The following KSR2 variants were observed in gnomAD, a reference collection of about 807,000 sequenced individuals.
KSR2 encodes kinase suppressor of ras 2.
KSR2 carries 25 observed loss-of-function variants against 107.8 expected under a neutral mutation model. That is an observed-to-expected ratio of 0.23 (90% CI 0.17 to 0.32). KSR2 has a LOEUF of 0.32. KSR2 is among the 10% of genes least tolerant of loss of function. KSR2 has a pLI of 1.00. For synonymous variants in KSR2, 480 were observed against 507.0 expected, an observed-to-expected ratio of 0.95 and a Z score of 0.71; for missense variants, 887 against 1,268.9, an observed-to-expected ratio of 0.70 and a Z score of 4.57.
intron 9 of KSR2, among the ~76,000 whole-genome samples, chr12:117,551,384 G>C (rs535027053): frequency 6.6e-6 from 1 of 151,960 alleles, no homozygotes; most frequent in South Asian, 2.1e-4. Flanking sequence ...TTCAGAATTT[G>C]ACTAAAATCC....
At chr12:117,648,550 T>C (rs992362331) in intron 5 of KSR2, among the ~76,000 whole-genome samples, 1 of 152,250 alleles carries the variant, frequency 6.6e-6, no homozygotes, top group Non-Finnish European at 1.5e-5. Flanking sequence ...AGATAAGATA[T>C]TGCCTTTACA....
At chr12:117,860,455 G>A (rs755734943) in intron 1 of KSR2, 24 bp from the exon 2 acceptor site, 4 of 1,585,076 alleles carry the variant, frequency 2.5e-6, no homozygotes. Flanking sequence ...GACGAGGACA[G>A]AGGACACATC....
intron 9 of KSR2, among the ~76,000 whole-genome samples, chr12:117,540,700 G>C (rs1391048117): frequency 6.6e-6 from 1 of 152,204 alleles, no homozygotes; most frequent in Admixed American, 6.5e-5. Context: ...GATGGAGGGA[G>C]AGATTGGAGT....
At chr12:117,523,418 A>T (rs1414350412) in intron 14 of KSR2, among the ~76,000 whole-genome samples, 1 of 152,184 alleles carries the variant, frequency 6.6e-6, no homozygotes, top group Non-Finnish European at 1.5e-5. Context: ...TCCTTATGTT[A>T]CAGGGGAGTC....
chr12:117,886,940 T>C (rs907393974), intron 1 of KSR2, among the ~76,000 whole-genome samples: 3 of 152,228 alleles, frequency 2.0e-5, no homozygotes, highest in Admixed American at 2.0e-4. Flanking sequence ...TTATATTTTT[T>C]TGAGACAGAG....
intron 1 of KSR2, among the ~76,000 whole-genome samples, chr12:117,952,346 A>C (rs1041272800): frequency 6.6e-6 from 1 of 152,174 alleles, no homozygotes; most frequent in East Asian, 1.9e-4. Flanking sequence ...AGCTGAAAAA[A>C]TTTAATTTAA....
At chr12:117,603,423 T>A (rs1336796121) in intron 5 of KSR2, among the ~76,000 whole-genome samples, 1 of 152,218 alleles carries the variant, frequency 6.6e-6, no homozygotes, top group African/African-American at 2.4e-5. Flanking sequence ...GTTTTTGGCT[T>A]TGATTTTTGT....
chr12:117,968,622 AGAG>A lies in KSR2; in HGVS notation c.-370_-368del. ...AAAAAGAAGAGGAGAAGGAGGAGAG[AGAG>A]GAGGAGGGAGAGGAGGAGGAGGGAG... On this transcript the variant is annotated 5_prime_UTR_variant, in exon 1 of 20. Transcript: ENST00000339824. The A allele has an allele frequency of 3.0e-6, 1 of 332,622 alleles. No homozygotes were observed. The allele number at this position is 332,622 out of a possible 1,614,324, so 20.6% of individuals were successfully genotyped here.
At chr12:117,667,372 TA>T in intron 5 of KSR2, 101 bp downstream of exon 5, 1 of 1,122,936 alleles carries the variant, frequency 8.9e-7, no homozygotes, top group Non-Finnish European at 1.3e-6. Flanking sequence ...GCCCTTGAGA[TA>T]AAGAAGAGAG....
chr12:117,630,950 A>G (rs1387097063), intron 5 of KSR2, among the ~76,000 whole-genome samples: 2 of 152,178 alleles, frequency 1.3e-5, no homozygotes, highest in South Asian at 4.1e-4. Flanking sequence ...ATCCAAGCCA[A>G]TGAGCTCTGT....
At chr12:117,624,143 A>C (rs977643655) in intron 5 of KSR2, among the ~76,000 whole-genome samples, 2 of 152,174 alleles carry the variant, frequency 1.3e-5, no homozygotes, top group African/African-American at 2.4e-5. Flanking sequence ...TCAGATGGGT[A>C]GATTGCAAAA....
intron 5 of KSR2, among the ~76,000 whole-genome samples, chr12:117,586,347 G>A (rs1879990604): frequency 2.0e-5 from 3 of 152,248 alleles, no homozygotes; most frequent in South Asian, 2.1e-4. Flanking sequence ...AATACTTTGG[G>A]AGGCCAAGGC....
Position 117,467,079 on chromosome 12 carries a change from C to G in KSR2, c.*120G>C, listed in dbSNP as rs1053374802. ...GAGCAGTTGTCCAGTGCTCCCAGGT[C>G]GGTCGGGGTTGGTACCCTCTGATGC... On this transcript the variant is annotated 3_prime_UTR_variant, in exon 20 of 20. Coordinates refer to ENST00000339824, the MANE Select transcript of KSR2 (RefSeq NM_173598.6). 1 of 521,760 alleles carries G rather than the reference C, an allele frequency of 1.9e-6. No individual in the cohort carries two copies. Among genetic ancestry groups the G allele is most frequent in the African/African-American group, 2.0e-5 (1 of 50,376 alleles). The allele number at this position is 521,760 out of a possible 1,614,324, so 32.3% of individuals were successfully genotyped here. A position where few individuals can be genotyped will look rare whatever the true frequency, so the allele number is the denominator to read the frequency against.
At chr12:117,810,047 A>G (rs550808293) in intron 3 of KSR2, among the ~76,000 whole-genome samples, 1 of 152,328 alleles carries the variant, frequency 6.6e-6, no homozygotes, top group Admixed American at 6.5e-5. Context: ...AGGAGGAAGT[A>G]GAGCCCGAAT....
At chr12:117,728,895 T>G (rs1348905552) in intron 4 of KSR2, among the ~76,000 whole-genome samples, 1 of 152,244 alleles carries the variant, frequency 6.6e-6, no homozygotes, top group Non-Finnish European at 1.5e-5. Flanking sequence ...GTTCAAGTGC[T>G]GAGACTTGCT....
intron 18 of KSR2, among the ~76,000 whole-genome samples, chr12:117,470,193 T>TATCCATCCATCCATCC (rs60164511): frequency 6.5e-5 from 9 of 138,322 alleles, no homozygotes; most frequent in African/African-American, 2.5e-4. Flanking sequence ...CATCTTTCAT[T>TATCCATCCATCCATCC]ATCCATCCAT....
At chr12:117,860,260 G>A (rs1893244477) in intron 2 of KSR2, 31 bp downstream of exon 2, 1 of 1,596,716 alleles carries the variant, frequency 6.3e-7, no homozygotes, top group South Asian at 1.1e-5. Flanking sequence ...GGCCAGTAAG[G>A]GGCAGGGGAC....
At chr12:117,564,864 A>T (rs1202989419) in intron 7 of KSR2, among the ~76,000 whole-genome samples, 6 of 152,212 alleles carry the variant, frequency 3.9e-5, no homozygotes, top group Non-Finnish European at 5.9e-5. Flanking sequence ...AATCCCTATC[A>T]AAACGTTTTT....
intron 9 of KSR2, among the ~76,000 whole-genome samples, chr12:117,547,922 C>A (rs141253818): frequency 6.6e-6 from 1 of 152,036 alleles, no homozygotes; most frequent in Non-Finnish European, 1.5e-5. Flanking sequence ...AGTGAAACCC[C>A]ATCTCTACTA....
Sources: gnomAD v4.1 joint callset for allele counts (sites outside exome capture counted in the v4.1 genomes callset) on GRCh38, gnomAD v4.1.1 for gene constraint, MANE v1.5 for transcripts, NCBI Gene and HGNC (gene_info 2026-07-23, HGNC 2026-07-21) for gene names.